P2RY14: variants seen among roughly 807,000 people sequenced by gnomAD.
P2RY14 encodes P2Y purinoceptor 14.
Under a neutral mutation model 0.9 loss-of-function variants are expected in P2RY14, and 2 were observed. That is an observed-to-expected ratio of 2.16 (90% CI 0.88 to 6.79). The LOEUF is 6.79. Ranked by LOEUF, P2RY14 falls within the 30% of genes most tolerant of loss-of-function variation. The pLI is 0.05. For missense variants in P2RY14, 378 were observed against 400.1 expected (o/e 0.94, Z 0.47); for synonymous variants, 158 against 147.2 (o/e 1.07, Z -0.53).
intron 1 of P2RY14, among the ~76,000 whole-genome samples, chr3:151,268,909 C>T (rs2149536957): frequency 6.6e-6 from 1 of 152,014 alleles, no homozygotes; most frequent in South Asian, 2.1e-4. Context: ...TTTTTAGCCA[C>T]AAAACAAAAA....
chr3:151,231,200 G>A (rs1731596708), intron 1 of P2RY14, among the ~76,000 whole-genome samples: 1 of 152,208 alleles, frequency 6.6e-6, no homozygotes, highest in Non-Finnish European at 1.5e-5. Context: ...GGAGAATGCT[G>A]GCTAGTAAAG....
At chr3:151,218,555 A>G (rs116705470) in intron 2 of P2RY14, among the ~76,000 whole-genome samples, 69 of 152,244 alleles carry the variant, frequency 4.5e-4, no homozygotes, top group African/African-American at 1.6e-3. Context: ...AGATTCATAT[A>G]TATAGCTAAA....
chr3:151,226,826 A>G (rs780171515), intron 1 of P2RY14, among the ~76,000 whole-genome samples: 6 of 152,204 alleles, frequency 3.9e-5, no homozygotes, highest in Non-Finnish European at 5.9e-5. Context: ...TCAGTTTTCT[A>G]TCTCCTGCGT....
At chr3:151,218,436 C>T (rs542480754) in intron 2 of P2RY14, among the ~76,000 whole-genome samples, 1 of 152,304 alleles carries the variant, frequency 6.6e-6, no homozygotes, top group East Asian at 1.9e-4. Flanking sequence ...TTGATAGTTA[C>T]TTCTGGTATT....
At position 151,222,132 on chromosome 3, in the gene P2RY14, G is replaced by C. The variant is rs1184688661; in HGVS notation, c.-132-2490C>G. Among the ~76,000 whole-genome samples the C allele has an allele frequency of 3.3e-5, 5 of 152,344 alleles. No individual in the cohort carries two copies. In the East Asian group the frequency reaches 9.6e-4, roughly 29 times the overall value. On this transcript the variant is annotated intron_variant, in intron 1 of 2. Coordinates refer to ENST00000309170, the MANE Select transcript of P2RY14 (RefSeq NM_014879.4). ...GCCTGTAGCCCCTTTGTTTCAGCCA[G>C]TTCCTCCCATTTGGAATGACTGCAT...
chr3:151,214,098 AG>A lies in P2RY14; in HGVS notation c.218del (p.Thr73IlefsTer17). On this transcript the variant is annotated frameshift_variant, in exon 3 of 3. Coordinates refer to ENST00000309170, the MANE Select transcript of P2RY14 (RefSeq NM_014879.4). LOFTEE classifies it low-confidence loss of function (END_TRUNC). ...IVIADFVMSL[T>X]FPFKILGDSG... ...AGTCACCAAGGATCTTGAAAGGAAA[AG>A]TCAGGCTCATCACAAAGTCAGCAAT... is the stretch of plus-strand genomic sequence containing the variant. The A allele has an allele frequency of 6.2e-7, 1 of 1,614,138 alleles. No individual in the cohort carries two copies. The highest frequency in any genetic ancestry group is 8.5e-7 in the Non-Finnish European group (1 of 1,179,998).
chr3:151,223,802 C>T (rs1729904039), intron 1 of P2RY14, among the ~76,000 whole-genome samples: 2 of 152,188 alleles, frequency 1.3e-5, no homozygotes, highest in South Asian at 2.1e-4. Context: ...ACAATATACC[C>T]AAGTAACAAA....
rs377272911 is a variant in P2RY14 at position 151,249,237 on chromosome 3, A to G, written c.-133+29050T>C. 1.1e-4 allele frequency: 17 copies of G among 152,230 alleles called. No individual in the cohort carries two copies. The East Asian group carries it at 1.5e-3, about 14-fold the overall frequency. The allele number at this position is 152,230 out of a possible 1,614,324, so 9.4% of individuals were successfully genotyped here. ...TGAGCAAGTGAGAGCTCCAGCCAGC[A>G]GGAAGATAGATCTTTCCCATGCTTG... On this transcript the variant is annotated intron_variant, in intron 1 of 2. Transcript: ENST00000309170.
At chr3:151,259,675 T>TG (rs1235619527) in intron 1 of P2RY14, among the ~76,000 whole-genome samples, 1 of 152,222 alleles carries the variant, frequency 6.6e-6, no homozygotes, top group Non-Finnish European at 1.5e-5. Context: ...TTGCAGTGAA[T>TG]GCTACTATGT....
chr3:151,237,348 T>TCC (rs1272700936), intron 1 of P2RY14, among the ~76,000 whole-genome samples: 17 of 70,162 alleles, frequency 2.4e-4, no homozygotes, highest in Non-Finnish European at 3.6e-4. Context: ...TTTTTTTTTT[T>TCC]TCTTTTTTTT....
chr3:151,233,799 GT>G (rs1732202827), intron 1 of P2RY14, among the ~76,000 whole-genome samples: 1 of 152,226 alleles, frequency 6.6e-6, no homozygotes, highest in Non-Finnish European at 1.5e-5. Flanking sequence ...TTCTTGGATC[GT>G]TCCTGTTCCT....
In P2RY14 at chr3:151,214,271, G is replaced by T; in HGVS notation, c.46C>A (p.Gln16Lys). The T allele has an allele frequency of 6.2e-7, 1 of 1,614,022 alleles. No individual in the cohort carries two copies. Among genetic ancestry groups the T allele is most frequent in the Non-Finnish European group, 8.5e-7 (1 of 1,179,924 alleles). Residue 16 changes from glutamine to lysine, a missense_variant, in exon 3 of 3, where the codon CAG becomes AAG. Coordinates refer to ENST00000309170, the MANE Select transcript of P2RY14 (RefSeq NM_014879.4). ...ATCTGCTGAGTGATCAGGAGGTTCT[G>T]AGAGCAGGATTCATCTGGAGGCTGT... The part of the protein sequence containing the change: ...STQPPDESCS[Q>K]NLLITQQIIP...
At chr3:151,246,126 C>G (rs951151377) in intron 1 of P2RY14, among the ~76,000 whole-genome samples, 3 of 151,970 alleles carry the variant, frequency 2.0e-5, no homozygotes, top group African/African-American at 7.3e-5. Flanking sequence ...AAAGAGGATA[C>G]AAACAAATGG....
intron 1 of P2RY14, among the ~76,000 whole-genome samples, chr3:151,238,137 T>TTTTTTC (rs113061339): frequency 0.84 from 125,166 of 149,524 alleles, 52,423 homozygotes; most frequent in South Asian, 0.89. Flanking sequence ...ACATTTTTTC[T>TTTTTTC]TTTTTCTTTT....
At chr3:151,223,303 A>C (rs1178044814) in intron 1 of P2RY14, among the ~76,000 whole-genome samples, 1 of 152,120 alleles carries the variant, frequency 6.6e-6, no homozygotes, top group African/African-American at 2.4e-5. Context: ...AGAACTAAAC[A>C]TAAAATTACC....
intron 1 of P2RY14, among the ~76,000 whole-genome samples, chr3:151,249,899 G>T (rs77089281): frequency 0.056 from 8,542 of 152,160 alleles, 787 homozygotes; most frequent in African/African-American, 0.19. Flanking sequence ...AATTCATCCA[G>T]TTTAGGGCCT....
chr3:151,234,105 G>A (rs1732259563), intron 1 of P2RY14, among the ~76,000 whole-genome samples: 1 of 152,234 alleles, frequency 6.6e-6, no homozygotes, highest in African/African-American at 2.4e-5. Flanking sequence ...AACTCCTGCA[G>A]ATGCATGCCA....
Position 151,214,164 on chromosome 3 carries a change from G to A in P2RY14, c.153C>T (p.Pro51=), listed in dbSNP as rs1267460928. ...GATAGATGATGAAACTCTTAGAGCT[G>A]GGCACGTAAAAGAATATCCATCCTG... ...GVSGWIFFYV[P]SSKSFIIYLK... Residue 51 remains proline (P), a synonymous_variant, in exon 3 of 3, where the codon CCC becomes CCT. Coordinates refer to ENST00000309170, the MANE Select transcript of P2RY14 (RefSeq NM_014879.4). 1.9e-6 allele frequency: 3 copies of A among 1,614,070 alleles called. No homozygotes were observed. Among genetic ancestry groups the A allele is most frequent in the Non-Finnish European group, 2.5e-6 (3 of 1,179,974 alleles).
rs145589776 is a variant in P2RY14 at position 151,213,497 on chromosome 3, G to C, written c.820C>G (p.Arg274Gly). Residue 274 changes from arginine (R) to glycine (G), a missense_variant, in exon 3 of 3, where the codon CGG becomes GGG. Arg to Gly is a moderately radical substitution (Grantham distance 125, BLOSUM62 -2). Transcript: ENST00000309170. ...AGCAGAGTGAATTCTTTCATATACC[G>C]CAAGATTTCTTTTGACTGGCAGCTG... ...HYSCQSKEIL[R>G]YMKEFTLLLS... The C allele has an allele frequency of 1.2e-5, 19 of 1,613,996 alleles. No individual in the cohort carries two copies. In the South Asian group the frequency reaches 2.0e-4, roughly 17 times the overall value.
Sources: allele counts gnomAD v4.1 joint callset (sites outside exome capture counted in the v4.1 genomes callset), GRCh38; gene constraint gnomAD v4.1.1; transcripts MANE v1.5; gene names NCBI Gene and HGNC (gene_info 2026-07-23, HGNC 2026-07-21).